The following RILPL2 variants were observed in gnomAD, a reference collection of about 807,000 sequenced individuals.
The protein encoded by RILPL2 is RILP-like protein 2.
A neutral mutation model predicts 22.2 loss-of-function variants in RILPL2; 19 were observed. That is an observed-to-expected ratio of 0.86 (90% CI 0.60 to 1.25). RILPL2 has a LOEUF of 1.25. Ranked by LOEUF, RILPL2 falls within the 50% of genes most tolerant of loss-of-function variation. RILPL2 has a pLI of 0.00. For missense variants in RILPL2, 243 were observed against 263.6 expected, an observed-to-expected ratio of 0.92 and a Z score of 0.54; for synonymous variants, 123 against 111.6, an observed-to-expected ratio of 1.10 and a Z score of -0.64.
intron 2 of RILPL2, among the ~76,000 whole-genome samples, chr12:123,426,775 T>A (rs931441199): frequency 5.3e-5 from 8 of 151,724 alleles, no homozygotes; most frequent in South Asian, 4.2e-4. Flanking sequence ...CTAATTTTTT[T>A]ATATTTTTAG....
chr12:123,435,540 AC>A (rs1471771374), intron 1 of RILPL2, among the ~76,000 whole-genome samples: 1 of 152,068 alleles, frequency 6.6e-6, no homozygotes, highest in Non-Finnish European at 1.5e-5. Flanking sequence ...GGAGTTTGAG[AC>A]CAGCCTGGGT....
At position 123,436,604 on chromosome 12, in the gene RILPL2, C is replaced by G; in HGVS notation, c.-184G>C. The G allele has an allele frequency of 4.1e-6, 4 of 979,890 alleles. No individual in the cohort carries two copies. Among genetic ancestry groups the G allele is most frequent in the Non-Finnish European group, 5.8e-6 (4 of 686,242 alleles). 60.7% of individuals were successfully genotyped at this position (979,890 alleles called of 1,614,324 possible). ...GCACGCGACTCTTGGGCCTGCGCCC[C>G]GGCGCACCGTCCCCGCTGCCAGCCA... On this transcript the variant is annotated 5_prime_UTR_variant, in exon 1 of 4. Coordinates refer to ENST00000280571, the MANE Select transcript of RILPL2 (RefSeq NM_145058.3). The surrounding 1 kb of genome is among the most constrained non-coding windows in gnomAD (Gnocchi z 6.7).
At chr12:123,421,323 C>T (rs1879276626) in intron 3 of RILPL2, among the ~76,000 whole-genome samples, 2 of 152,106 alleles carry the variant, frequency 1.3e-5, no homozygotes, top group Non-Finnish European at 2.9e-5. Context: ...AGGTGTAAGC[C>T]ACTGCATCTG....
Position 123,436,178 on chromosome 12 carries a change from C to G in RILPL2, c.243G>C (p.Glu81Asp). 1 of 1,610,742 alleles carries G rather than the reference C, an allele frequency of 6.2e-7. No homozygotes were observed. Among genetic ancestry groups the G allele is most frequent in the Non-Finnish European group, 8.5e-7 (1 of 1,178,714 alleles). ...VLEMLEALVN[E>D]GSLALEELKM... ...TCAGCTCCTCCAGCGCCAGGCTGCC[C>G]TCATTCACCAGCGCCTCCAGCATCT... The change falls in exon 1 of 4, where the codon GAG becomes GAC. Residue 81 changes from glutamate to aspartate, a missense_variant. Physicochemically the swap from Glu to Asp is conservative, Grantham distance 45. Transcript: ENST00000280571. This position sits in a 1 kb window ranked among gnomAD's most constrained non-coding sequence, Gnocchi z 6.7.
At chr12:123,429,719 GC>G (rs1188856030) in intron 2 of RILPL2, among the ~76,000 whole-genome samples, 1 of 151,818 alleles carries the variant, frequency 6.6e-6, no homozygotes, top group Non-Finnish European at 1.5e-5. Flanking sequence ...TGATTCTCCT[GC>G]CTCAGCCTCC....
chr12:123,428,426 G>A (rs1002476493), intron 2 of RILPL2, among the ~76,000 whole-genome samples: 1 of 152,090 alleles, frequency 6.6e-6, no homozygotes, highest in Admixed American at 6.6e-5. Context: ...GTGAGCCACC[G>A]CGCCCGGCCC....
At chr12:123,420,381 C>T (rs1469466684) in intron 3 of RILPL2, among the ~76,000 whole-genome samples, 1 of 151,552 alleles carries the variant, frequency 6.6e-6, no homozygotes, top group African/African-American at 2.4e-5. Flanking sequence ...CTTGGTGATC[C>T]GCCCACCTCG....
intron 2 of RILPL2, among the ~76,000 whole-genome samples, chr12:123,423,857 G>C (rs561733267): frequency 6.6e-6 from 1 of 151,672 alleles, no homozygotes; most frequent in South Asian, 2.1e-4. Flanking sequence ...GTTTCACTGT[G>C]TTAGCCAGGA....
At chr12:123,418,445 T>C (rs1219401618) in intron 3 of RILPL2, among the ~76,000 whole-genome samples, 1 of 152,224 alleles carries the variant, frequency 6.6e-6, no homozygotes, top group Non-Finnish European at 1.5e-5. Flanking sequence ...TATCTGAAAT[T>C]GTCCTGTTAA....
chr12:123,430,294 A>T (rs1879595332), intron 2 of RILPL2, among the ~76,000 whole-genome samples: 1 of 151,562 alleles, frequency 6.6e-6, no homozygotes, highest in South Asian at 2.1e-4. Context: ...CTGTAGTCCC[A>T]GCTACTCGGG....
intron 1 of RILPL2, among the ~76,000 whole-genome samples, chr12:123,431,130 C>T (rs1283982622): frequency 6.6e-6 from 1 of 152,110 alleles, no homozygotes. Context: ...TTACAGCAGC[C>T]AAGGGGTAGT....
chr12:123,426,470 CTTA>C (rs1879444651), intron 2 of RILPL2, among the ~76,000 whole-genome samples: 1 of 152,036 alleles, frequency 6.6e-6, no homozygotes, highest in Non-Finnish European at 1.5e-5. Context: ...ATTATAGATA[CTTA>C]TTATAATAAT....
the RILPL2 span, among the ~76,000 whole-genome samples, chr12:123,409,674 T>G: frequency 1.3e-5 from 2 of 149,720 alleles, no homozygotes; most frequent in Non-Finnish European, 3.0e-5. Flanking sequence ...CTTGGCTACC[T>G]GAATAGCTGG....
At chr12:123,429,395 A>C (rs1006468037) in intron 2 of RILPL2, among the ~76,000 whole-genome samples, 1 of 152,086 alleles carries the variant, frequency 6.6e-6, no homozygotes, top group Admixed American at 6.6e-5. Context: ...TTCTGGTTTC[A>C]AGTGATTCTC....
At chr12:123,427,250 A>G (rs1375699492) in intron 2 of RILPL2, among the ~76,000 whole-genome samples, 1 of 152,044 alleles carries the variant, frequency 6.6e-6, no homozygotes, top group African/African-American at 2.4e-5. Context: ...TGACCTCTCC[A>G]TGGGACTTCC....
chr12:123,436,031 T>C lies in RILPL2; in HGVS notation c.339+51A>G, dbSNP rs1879783858. 1.3e-6 allele frequency: 2 copies of C among 1,536,762 alleles called. No individual in the cohort carries two copies. The highest frequency in any genetic ancestry group is 1.8e-6 in the Non-Finnish European group (2 of 1,138,624). ...GGCGTCTCCCTGCCAGTAGGTGCCC[T>C]CCTACGCCCCGCAGGCGCCGTGGGC... On this transcript the variant is annotated intron_variant, in intron 1 of 3. Coordinates refer to ENST00000280571, the MANE Select transcript of RILPL2 (RefSeq NM_145058.3). This position sits in a 1 kb window ranked among gnomAD's most constrained non-coding sequence, Gnocchi z 6.7.
At chr12:123,423,900 G>A (rs939945616) in intron 2 of RILPL2, among the ~76,000 whole-genome samples, 5 of 152,040 alleles carry the variant, frequency 3.3e-5, no homozygotes, top group Middle Eastern at 3.4e-3. Flanking sequence ...TGATCTGCCC[G>A]CCTCAGCCTC....
At chr12:123,409,838 C>T in the RILPL2 span, among the ~76,000 whole-genome samples, 1 of 150,960 alleles carries the variant, frequency 6.6e-6, no homozygotes, top group African/African-American at 2.4e-5. Context: ...GCAATTCTGC[C>T]TCAGCCTCCC....
intron 2 of RILPL2, among the ~76,000 whole-genome samples, chr12:123,430,213 T>C (rs1040639662): frequency 1.4e-5 from 2 of 140,206 alleles, no homozygotes; most frequent in Non-Finnish European, 1.5e-5. Flanking sequence ...ATCGAGACCA[T>C]TCTGCCTAAC....
Sources: allele counts gnomAD v4.1 joint callset (sites outside exome capture counted in the v4.1 genomes callset), GRCh38; gene constraint gnomAD v4.1.1; non-coding constraint Gnocchi (gnomAD v3.1); transcripts MANE v1.5; gene names NCBI Gene and HGNC (gene_info 2026-07-23, HGNC 2026-07-21).